Variants in DPEP1 observed in about 807,000 individuals in gnomAD.
DPEP1 encodes beta-lactamase.
Under a neutral mutation model 42.3 loss-of-function variants are expected in DPEP1, and 50 were observed. That is an observed-to-expected ratio of 1.18 (90% CI 0.94 to 1.50). DPEP1 has a LOEUF of 1.50. Among genes scored for constraint, DPEP1 ranks in the 40% most tolerant of loss-of-function variants. The pLI is 0.00. For synonymous variants in DPEP1, 297 were observed against 234.0 expected, an observed-to-expected ratio of 1.27 and a Z score of -2.46; for missense variants, 663 against 553.0, an observed-to-expected ratio of 1.20 and a Z score of -1.99.
chr16:89,616,944 C>A (rs1021359580), intron 1 of DPEP1: 1 of 209,704 alleles, frequency 4.8e-6, no homozygotes, highest in Non-Finnish European at 9.9e-6. Flanking sequence ...TACCGAGCGG[C>A]GTGACGGCTC....
At chr16:89,623,786 C>T (rs543470999) in intron 1 of DPEP1, among the ~76,000 whole-genome samples, 2 of 152,114 alleles carry the variant, frequency 1.3e-5, no homozygotes, top group African/African-American at 4.8e-5. Flanking sequence ...CTGCCTGAAA[C>T]CCTGGCCAGA....
rs761479423 is a variant in DPEP1 at position 89,630,434 on chromosome 16, G to T, written c.24G>T (p.Trp8Cys). The change falls in exon 2 of 11, where the codon TGG becomes TGT. Residue 8 changes from tryptophan to cysteine, a missense_variant. Trp to Cys is a radical substitution (Grantham distance 215). Transcript: ENST00000690203. MWSGWWL[W>C]PLVAVCTADF... ...CCATGTGGAGCGGATGGTGGCTGTG[G>T]CCCCTTGTGGCCGTCTGCACTGCAG... is the stretch of plus-strand genomic sequence containing the variant. 5.6e-6 allele frequency: 9 copies of T among 1,611,156 alleles called. No individual in the cohort carries two copies. The South Asian group carries it at 6.6e-5, about 12-fold the overall frequency.
chr16:89,638,585 GAC>G, downstream of DPEP1: 3 of 805,986 alleles, frequency 3.7e-6, no homozygotes, highest in Non-Finnish European at 4.7e-6. Context: ...GCTTTGTAGA[GAC>G]ACTGCTTGAG....
In DPEP1 at chr16:89,630,333, C is replaced by T; in HGVS notation, c.-78C>T. 1 of 1,225,834 alleles carries T rather than the reference C, an allele frequency of 8.2e-7. No individual in the cohort carries two copies. The highest frequency in any genetic ancestry group is 1.2e-6 in the Non-Finnish European group (1 of 852,974). The allele number at this position is 1,225,834 out of a possible 1,614,324, so 75.9% of individuals were successfully genotyped here. ...GAGTGGCTCCTCACAGCCTGAAGCTCATCCTTCTGCACGGGCCAGCCAGGC... is the reference window on the plus strand; with the variant it reads ...GAGTGGCTCCTCACAGCCTGAAGCTTATCCTTCTGCACGGGCCAGCCAGGC... On this transcript the variant is annotated 5_prime_UTR_variant, in exon 2 of 11. Coordinates refer to ENST00000690203, the MANE Select transcript of DPEP1 (RefSeq NM_001389466.1).
At chr16:89,631,854 C>G (rs1298992761) in intron 2 of DPEP1, among the ~76,000 whole-genome samples, 1 of 152,064 alleles carries the variant, frequency 6.6e-6, no homozygotes, top group Non-Finnish European at 1.5e-5. Flanking sequence ...GAGACTCCAT[C>G]TCAAATTAAA....
intron 1 of DPEP1, among the ~76,000 whole-genome samples, chr16:89,618,607 A>G (rs931732941): frequency 5.9e-5 from 9 of 151,818 alleles, no homozygotes; most frequent in African/African-American, 1.9e-4. Context: ...AGGCTCAACA[A>G]CCTTCCCACC....
intron 1 of DPEP1, among the ~76,000 whole-genome samples, chr16:89,616,402 G>A (rs2059379388): frequency 6.6e-6 from 1 of 152,182 alleles, no homozygotes; most frequent in African/African-American, 2.4e-5. Context: ...CGGGCGGAAA[G>A]GAGGGGAGAC....
chr16:89,637,424 G>A (rs958443133), intron 7 of DPEP1, 44 bp downstream of exon 7: 3 of 1,612,586 alleles, frequency 1.9e-6, no homozygotes, highest in Middle Eastern at 1.6e-4. Context: ...CCCTGGGCAG[G>A]CCCTCCCAGC....
intron 1 of DPEP1, among the ~76,000 whole-genome samples, chr16:89,621,511 C>T (rs1043236888): frequency 5.3e-5 from 8 of 152,168 alleles, no homozygotes; most frequent in African/African-American, 1.4e-4. Context: ...TGTGAGCCAC[C>T]GGGGCCTCCC....
At chr16:89,615,376 C>A (rs911977047) in intron 1 of DPEP1, among the ~76,000 whole-genome samples, 4 of 152,164 alleles carry the variant, frequency 2.6e-5, no homozygotes, top group Non-Finnish European at 4.4e-5. Flanking sequence ...TGGTGCTGGT[C>A]TACACGCAGC....
intron 1 of DPEP1, among the ~76,000 whole-genome samples, chr16:89,614,795 C>A (rs1163808679): frequency 6.6e-6 from 1 of 151,856 alleles, no homozygotes; most frequent in Non-Finnish European, 1.5e-5. Flanking sequence ...ACTCCGTATC[C>A]AAAAAAATAA....
chr16:89,641,024 G>A (rs1001418269), downstream of DPEP1, among the ~76,000 whole-genome samples: 5 of 152,324 alleles, frequency 3.3e-5, no homozygotes, highest in South Asian at 2.1e-4. Flanking sequence ...TTTGGCAGCC[G>A]AGGCGGAGAG....
downstream of DPEP1, chr16:89,640,711 G>C (rs562491318): frequency 1.2e-6 from 1 of 852,644 alleles, no homozygotes; most frequent in African/African-American, 1.8e-5. Context: ...GGCTGCAAGG[G>C]TATTAGGCCT....
At chr16:89,641,314 G>A (rs545858706), downstream of DPEP1, among the ~76,000 whole-genome samples, 5 of 152,096 alleles carry the variant, frequency 3.3e-5, no homozygotes, top group Admixed American at 6.6e-5. Context: ...TTCCCTTTCC[G>A]GCTCTGCTAA....
At chr16:89,617,270 C>A (rs1431127296) in intron 1 of DPEP1, among the ~76,000 whole-genome samples, 1 of 152,060 alleles carries the variant, frequency 6.6e-6, no homozygotes, top group Non-Finnish European at 1.5e-5. Context: ...TGAAGACTCA[C>A]GGCTGAGCTG....
At chr16:89,626,078 C>T (rs1429815743) in intron 1 of DPEP1, among the ~76,000 whole-genome samples, 1 of 152,198 alleles carries the variant, frequency 6.6e-6, no homozygotes, top group Non-Finnish European at 1.5e-5. Context: ...TGCCCCCCGT[C>T]CTCCCGCCAC....
At chr16:89,641,095 A>G (rs1002196654), downstream of DPEP1, among the ~76,000 whole-genome samples, 3 of 152,194 alleles carry the variant, frequency 2.0e-5, no homozygotes, top group African/African-American at 7.2e-5. Flanking sequence ...TAGTACTTTC[A>G]CTAATTCTGC....
At chr16:89,617,663 C>T (rs74465448) in intron 1 of DPEP1, among the ~76,000 whole-genome samples, 104 of 42,634 alleles carry the variant, frequency 2.4e-3, no homozygotes, top group African/African-American at 3.8e-3. Context: ...AGGCCGGGCG[C>T]GGCGGCTCAC....
chr16:89,614,753 CCACTG>C (rs1280106228), intron 1 of DPEP1, among the ~76,000 whole-genome samples: 2 of 152,292 alleles, frequency 1.3e-5, no homozygotes, highest in African/African-American at 4.8e-5. Flanking sequence ...TGAGATCGTG[CCACTG>C]CACTCCAGCC....
Sources: allele counts gnomAD v4.1 joint callset (sites outside exome capture counted in the v4.1 genomes callset), GRCh38; gene constraint gnomAD v4.1.1; transcripts MANE v1.5; gene names NCBI Gene and HGNC (gene_info 2026-07-23, HGNC 2026-07-21).